Variants in CACNA2D3 observed in about 807,000 individuals in gnomAD.
CACNA2D3 encodes the protein voltage-dependent calcium channel subunit alpha-2/delta-3.
Under a neutral mutation model 160.6 loss-of-function variants are expected in CACNA2D3, and 60 were observed. The observed-to-expected ratio is 0.37, with a 90% confidence interval of 0.30 to 0.46. CACNA2D3 has a LOEUF of 0.46. Among genes scored for constraint, CACNA2D3 ranks in the 20% least tolerant of loss-of-function variants. The pLI is 1.00. For synonymous variants in CACNA2D3, 558 were observed against 492.9 expected, an observed-to-expected ratio of 1.13 and a Z score of -1.75; for missense variants, 1,205 against 1,365.0, an observed-to-expected ratio of 0.88 and a Z score of 1.85.
At chr3:54,884,278 C>T (rs1319923089) in intron 21 of CACNA2D3, among the ~76,000 whole-genome samples, 2 of 152,240 alleles carry the variant, frequency 1.3e-5, no homozygotes, top group African/African-American at 4.8e-5. Flanking sequence ...AAAGAGCTGA[C>T]ATGACATCCC....
At position 54,991,870 on chromosome 3, in the gene CACNA2D3, T is replaced by C. The variant is rs375314461; in HGVS notation, c.2690+4117T>C. 4.6e-5 allele frequency among the ~76,000 whole-genome samples: 7 copies of C among 152,356 alleles called. No homozygotes were observed. The South Asian group carries it at 6.2e-4, about 14-fold the overall frequency. On this transcript the variant is annotated intron_variant, in intron 31 of 37. Coordinates refer to ENST00000474759, the MANE Select transcript of CACNA2D3 (RefSeq NM_018398.3). ...AAATGCTTTTCAAATTGCAAAGCCA[T>C]TGCAAACAGGAGATAAGAATACCTT...
chr3:54,521,132 A>G (rs556851395), intron 5 of CACNA2D3, among the ~76,000 whole-genome samples: 2 of 152,328 alleles, frequency 1.3e-5, no homozygotes, highest in African/African-American at 4.8e-5. Flanking sequence ...TAGAAATGGA[A>G]TTGCTGGATC....
intron 12 of CACNA2D3, among the ~76,000 whole-genome samples, chr3:54,760,436 A>G (rs1702062209): frequency 6.6e-6 from 1 of 152,074 alleles, no homozygotes; most frequent in Non-Finnish European, 1.5e-5. Flanking sequence ...TCACCCAGGT[A>G]GGTGGAGCCA....
At chr3:54,322,349 G>A (rs1704021816) in intron 3 of CACNA2D3, among the ~76,000 whole-genome samples, 1 of 152,234 alleles carries the variant, frequency 6.6e-6, no homozygotes, top group Non-Finnish European at 1.5e-5. Flanking sequence ...ATTACGAGAA[G>A]TCAATGATTT....
At chr3:54,423,847 T>C (rs1699873297) in intron 4 of CACNA2D3, among the ~76,000 whole-genome samples, 1 of 151,796 alleles carries the variant, frequency 6.6e-6, no homozygotes, top group African/African-American at 2.4e-5. Context: ...TTCAGGAGGG[T>C]GCCATGCTGG....
At chr3:54,510,954 C>G (rs935443846) in intron 5 of CACNA2D3, among the ~76,000 whole-genome samples, 1 of 152,198 alleles carries the variant, frequency 6.6e-6, no homozygotes, top group South Asian at 2.1e-4. Flanking sequence ...CCCTTCCATT[C>G]AGCCCTGTTT....
intron 4 of CACNA2D3, among the ~76,000 whole-genome samples, chr3:54,487,593 A>G (rs1190501022): frequency 6.6e-6 from 1 of 152,184 alleles, no homozygotes; most frequent in African/African-American, 2.4e-5. Context: ...TGGAGTTCCA[A>G]CCATGAACAA....
intron 2 of CACNA2D3, among the ~76,000 whole-genome samples, chr3:54,126,090 T>C (rs1216352648): frequency 1.3e-5 from 2 of 152,230 alleles, no homozygotes; most frequent in African/African-American, 4.8e-5. Flanking sequence ...TGATTTTCAG[T>C]TAAGTAAGGT....
At chr3:54,437,100 T>C (rs1055662266) in intron 4 of CACNA2D3, among the ~76,000 whole-genome samples, 24 of 152,348 alleles carry the variant, frequency 1.6e-4, no homozygotes, top group African/African-American at 5.3e-4. Flanking sequence ...TTGGCATTTT[T>C]CAAATCATGG....
chr3:54,945,780 T>A (rs1452584798), intron 27 of CACNA2D3, among the ~76,000 whole-genome samples: 1 of 152,144 alleles, frequency 6.6e-6, no homozygotes, highest in East Asian at 1.9e-4. Context: ...CCATTGTATG[T>A]TGGGAATCAG....
chr3:54,698,903 G>T (rs962477306), intron 11 of CACNA2D3, among the ~76,000 whole-genome samples: 1 of 152,136 alleles, frequency 6.6e-6, no homozygotes, highest in African/African-American at 2.4e-5. Flanking sequence ...ATGGGAGAGC[G>T]AGCAAAAGCT....
intron 13 of CACNA2D3, among the ~76,000 whole-genome samples, chr3:54,794,469 GTT>G (rs954849698): frequency 2.6e-5 from 4 of 151,954 alleles, no homozygotes; most frequent in African/African-American, 9.7e-5. Context: ...TTACCCACAT[GTT>G]TTTCATTTCT....
intron 2 of CACNA2D3, among the ~76,000 whole-genome samples, chr3:54,256,359 G>A (rs753474648): frequency 2.6e-5 from 4 of 152,050 alleles, no homozygotes; most frequent in South Asian, 2.1e-4. Context: ...CAAGGTCATC[G>A]CCAAGATCTG....
chr3:54,839,015 T>C (rs1698755767), intron 16 of CACNA2D3, among the ~76,000 whole-genome samples: 1 of 152,150 alleles, frequency 6.6e-6, no homozygotes. Context: ...CCCAGCACTT[T>C]GGGAGGCCGA....
intron 14 of CACNA2D3, among the ~76,000 whole-genome samples, chr3:54,819,758 T>C (rs775181220): frequency 2.0e-5 from 3 of 151,938 alleles, no homozygotes; most frequent in Non-Finnish European, 4.4e-5. Context: ...GGCAGGAGAA[T>C]TGCTTGAACC....
At chr3:54,143,072 C>T (rs1171940915) in intron 2 of CACNA2D3, among the ~76,000 whole-genome samples, 1 of 152,214 alleles carries the variant, frequency 6.6e-6, no homozygotes, top group Non-Finnish European at 1.5e-5. Context: ...AGAATTTGTT[C>T]CCATCACAGG....
At chr3:54,452,531 C>G (rs1597309) in intron 4 of CACNA2D3, among the ~76,000 whole-genome samples, 41,662 of 152,116 alleles carry the variant, frequency 0.27, 6,076 homozygotes, top group South Asian at 0.33. Flanking sequence ...TGTATTTCTC[C>G]CAGCAGTCTC....
intron 35 of CACNA2D3, among the ~76,000 whole-genome samples, chr3:55,045,149 A>C (rs967329098): frequency 6.6e-6 from 1 of 152,146 alleles, no homozygotes; most frequent in Non-Finnish European, 1.5e-5. Context: ...CTCAGGTTCA[A>C]GTGATTCTCC....
chr3:54,992,826 A>T (rs1559457414), intron 31 of CACNA2D3, among the ~76,000 whole-genome samples: 2 of 151,498 alleles, frequency 1.3e-5, no homozygotes, highest in Non-Finnish European at 1.5e-5. Context: ...TGGGTAATTT[A>T]CAAAGAAAAG....
Sources: gnomAD v4.1 joint callset for allele counts (sites outside exome capture counted in the v4.1 genomes callset) on GRCh38, gnomAD v4.1.1 for gene constraint, MANE v1.5 for transcripts, NCBI Gene and HGNC (gene_info 2026-07-23, HGNC 2026-07-21) for gene names.